CSMD1: variants seen among roughly 807,000 people sequenced by gnomAD.
The protein encoded by CSMD1 is CUB and sushi domain-containing protein 1.
CSMD1 carries 213 observed loss-of-function variants against 417.5 expected under a neutral mutation model. The ratio of observed to expected loss-of-function variants is 0.51; its 90% CI spans 0.46 to 0.57. The LOEUF is 0.57. Ranked by LOEUF, CSMD1 falls within the 20% of genes least tolerant of loss-of-function variation. The pLI, the probability that CSMD1 is intolerant of heterozygous loss-of-function variation, is 0.00. For synonymous variants in CSMD1, 2,862 were observed against 1,736.8 expected, an observed-to-expected ratio of 1.65 and a Z score of -16.11; for missense variants, 6,923 against 4,529.7, an observed-to-expected ratio of 1.53 and a Z score of -15.17.
intron 1 of CSMD1, among the ~76,000 whole-genome samples, chr8:4,842,698 T>C: frequency 6.6e-6 from 1 of 152,204 alleles, no homozygotes; most frequent in East Asian, 1.9e-4. Context: ...AAACAATTAT[T>C]ATGAGCTAGA....
chr8:3,807,060 A>C (rs1380017709), intron 5 of CSMD1, among the ~76,000 whole-genome samples: 1 of 152,124 alleles, frequency 6.6e-6, no homozygotes, highest in East Asian at 1.9e-4. Flanking sequence ...CTGGTAGCTT[A>C]ATTATTACTA....
At chr8:3,375,512 C>T (rs1462696546) in intron 18 of CSMD1, among the ~76,000 whole-genome samples, 7 of 152,062 alleles carry the variant, frequency 4.6e-5, no homozygotes, top group Non-Finnish European at 8.8e-5. Flanking sequence ...CCATGCCCTA[C>T]AGAAGTCGCT....
chr8:4,214,701 T>A (rs562203903), intron 3 of CSMD1, among the ~76,000 whole-genome samples: 1 of 152,222 alleles, frequency 6.6e-6, no homozygotes, highest in East Asian at 1.9e-4. Flanking sequence ...GTAGCTAACG[T>A]GGATATAGGC....
chr8:4,531,696 C>T (rs1184928586), intron 2 of CSMD1, among the ~76,000 whole-genome samples: 4 of 152,140 alleles, frequency 2.6e-5, no homozygotes, highest in Non-Finnish European at 5.9e-5. Context: ...TTCTTTTAAA[C>T]ATTTTTGTAA....
chr8:2,972,017 A>T (rs1423781135), intron 57 of CSMD1, among the ~76,000 whole-genome samples: 1 of 152,080 alleles, frequency 6.6e-6, no homozygotes, highest in East Asian at 1.9e-4. Flanking sequence ...AGTCTTTGAG[A>T]AAAAATATAT....
chr8:3,740,990 G>A (rs554885432), intron 6 of CSMD1, among the ~76,000 whole-genome samples: 21 of 152,100 alleles, frequency 1.4e-4, no homozygotes, highest in African/African-American at 4.1e-4. Context: ...CAAGGTGGAC[G>A]GATCACCTCA....
chr8:4,287,417 C>A (rs775237017), intron 3 of CSMD1, among the ~76,000 whole-genome samples: 44 of 152,260 alleles, frequency 2.9e-4, no homozygotes, highest in Admixed American at 1.8e-3. Context: ...CAGAAGGTTT[C>A]TTTCTAACTA....
At chr8:2,999,893 T>C in intron 53 of CSMD1, 65 bp downstream of exon 53, 1 of 1,430,260 alleles carries the variant, frequency 7.0e-7, no homozygotes, top group Non-Finnish European at 9.6e-7. Context: ...TATTGTGACC[T>C]AATAACAAAA....
chr8:4,052,179 C>A (rs188657737), intron 3 of CSMD1, among the ~76,000 whole-genome samples: 1,617 of 152,186 alleles, frequency 0.011, 102 homozygotes, highest in Admixed American at 0.096. Context: ...CCCACCTTGG[C>A]CTCCGAAAGT....
At chr8:4,869,724 G>A (rs1191876744) in intron 1 of CSMD1, among the ~76,000 whole-genome samples, 1 of 151,970 alleles carries the variant, frequency 6.6e-6, no homozygotes, top group Non-Finnish European at 1.5e-5. Context: ...AATTCATGAA[G>A]TAATAAAACG....
chr8:3,752,355 G>C (rs1367481709), intron 6 of CSMD1, among the ~76,000 whole-genome samples: 1 of 152,116 alleles, frequency 6.6e-6, no homozygotes, highest in Non-Finnish European at 1.5e-5. Flanking sequence ...TCCTGATGAA[G>C]TCTAAAATAT....
intron 5 of CSMD1, among the ~76,000 whole-genome samples, chr8:3,915,924 G>A (rs928009904): frequency 1.3e-5 from 2 of 150,856 alleles, no homozygotes; most frequent in African/African-American, 2.4e-5. Context: ...ATCTGAGGCA[G>A]ACCTACATAA....
At chr8:4,711,247 G>A (rs1261873907) in intron 1 of CSMD1, among the ~76,000 whole-genome samples, 1 of 151,606 alleles carries the variant, frequency 6.6e-6, no homozygotes, top group East Asian at 1.9e-4. Flanking sequence ...GAAATGAGGT[G>A]GTGAGAATCA....
chr8:4,200,671 G>A (rs983785197), intron 3 of CSMD1, among the ~76,000 whole-genome samples: 5 of 152,072 alleles, frequency 3.3e-5, no homozygotes, highest in African/African-American at 4.8e-5. Context: ...CCCTGGGCAA[G>A]GTAGGAAGAC....
chr8:3,331,122 C>T (rs946183308), intron 23 of CSMD1, among the ~76,000 whole-genome samples: 9 of 151,708 alleles, frequency 5.9e-5, no homozygotes, highest in African/African-American at 2.2e-4. Flanking sequence ...CCTGTAGTCC[C>T]AGCTATTCAG....
chr8:3,834,899 T>G (rs1365068991), intron 5 of CSMD1, among the ~76,000 whole-genome samples: 2 of 151,706 alleles, frequency 1.3e-5, no homozygotes, highest in Admixed American at 6.6e-5. Flanking sequence ...CATCAAAAAG[T>G]GGGTGAAGGA....
At chr8:4,045,563 G>T (rs1248020566) in intron 3 of CSMD1, among the ~76,000 whole-genome samples, 1 of 152,138 alleles carries the variant, frequency 6.6e-6, no homozygotes, top group African/African-American at 2.4e-5. Context: ...TCAGAAAGAG[G>T]ATGTGCAATG....
chr8:3,444,890 A>C (rs1268951505), intron 12 of CSMD1, among the ~76,000 whole-genome samples: 1 of 152,192 alleles, frequency 6.6e-6, no homozygotes, highest in East Asian at 1.9e-4. Context: ...GCATTTAGTC[A>C]ATAAACACAG....
rs1484808167 is a variant in CSMD1, at chr8:3,359,188, G to A, written c.3268C>T (p.Arg1090Cys). 6.8e-6 allele frequency: 11 copies of A among 1,613,846 alleles called. No individual in the cohort carries two copies. Among genetic ancestry groups the A allele is most frequent in the Non-Finnish European group, 6.8e-6 (8 of 1,179,948 alleles). The change falls in exon 21 of 70, where the codon CGC (arginine) becomes TGC (cysteine). Residue 1090 changes from arginine (R) to cysteine (C), a missense_variant. Transcript: ENST00000635120. ...GGCAGAGGTGCACTCCACACACGGC[G>A]GCCCCCACCCAGGCAGGTAAGCTTG... is the stretch of plus-strand genomic sequence containing the variant. ...ATKLTCLGGGRRVWSAPLPRC... is the reference protein window; with the variant it reads ...ATKLTCLGGGCRVWSAPLPRC...
Sources: gnomAD v4.1 joint callset for allele counts (sites outside exome capture counted in the v4.1 genomes callset) on GRCh38, gnomAD v4.1.1 for gene constraint, MANE v1.5 for transcripts, NCBI Gene and HGNC (gene_info 2026-07-23, HGNC 2026-07-21) for gene names.